ERCC6: variants seen among roughly 807,000 people sequenced by gnomAD.
ERCC6 encodes the protein DNA excision repair protein ERCC-6.
ERCC6 carries 116 observed loss-of-function variants against 158.7 expected under a neutral mutation model. That is an observed-to-expected ratio of 0.73 (90% CI 0.63 to 0.85). ERCC6 has a LOEUF of 0.85. Ranked by LOEUF, ERCC6 falls within the 40% of genes least tolerant of loss-of-function variation. The pLI, the probability that ERCC6 is intolerant of heterozygous loss-of-function variation, is 0.00. For synonymous variants in ERCC6, 678 were observed against 659.3 expected (o/e 1.03, Z -0.43); for missense variants, 1,698 against 1,799.4 (o/e 0.94, Z 1.02).
Position 49,472,639 on chromosome 10 carries a change from A to C in ERCC6, c.2830-169T>G, listed in dbSNP as rs10437449. The stretch of plus-strand genomic sequence containing the variant: ...CTCAGGAAGATGAACAGCCAGTTGA[A>C]AAGACATCTCTACTTGAAAAAATGT... On this transcript the variant is annotated intron_variant, in intron 15 of 20. Coordinates refer to ENST00000355832, the MANE Select transcript of ERCC6 (RefSeq NM_000124.4). 770,821 of 775,758 alleles carry C rather than the reference A, an allele frequency of 0.99. 383,116 individuals are homozygous for C. Among genetic ancestry groups the C allele is most frequent in the East Asian group, 1 (37,534 of 37,534 alleles). 48.1% of individuals were successfully genotyped at this position (775,758 alleles called of 1,614,324 possible). A position where few individuals can be genotyped will look rare whatever the true frequency, so the allele number is the denominator to read the frequency against.
chr10:49,533,425 G>C (rs1564447577), intron 1 of ERCC6, among the ~76,000 whole-genome samples: 1 of 152,212 alleles, frequency 6.6e-6, no homozygotes, highest in Non-Finnish European at 1.5e-5. Context: ...GTGAATCTGA[G>C]ACTAGAAACT....
At position 49,505,912 on chromosome 10, in the gene ERCC6, G is replaced by A. The variant is rs1161878403; in HGVS notation, c.1498C>T (p.Pro500Ser). Reference sequence around the variant, plus strand: ...AAAAGCTTTTTGAACAGAAAACCTGGCACTTTAAAACCTTCGTCAAATTCA... The same window carrying A: ...AAAAGCTTTTTGAACAGAAAACCTGACACTTTAAAACCTTCGTCAAATTCA... ...DAEFDEGFKV[P>S]GFLFKKLFKY... Residue 500 changes from proline (P) to serine (S), a missense_variant, in exon 6 of 21, where the codon CCA becomes TCA. Physicochemically the swap from Pro to Ser is moderately conservative, Grantham distance 74 (BLOSUM62 -1). Coordinates refer to ENST00000355832, the MANE Select transcript of ERCC6 (RefSeq NM_000124.4). 1 of 1,613,346 alleles carries A rather than the reference G, an allele frequency of 6.2e-7. No individual in the cohort carries two copies. Among genetic ancestry groups the A allele is most frequent in the Middle Eastern group, 1.7e-4 (1 of 6,058 alleles).
intron 5 of ERCC6, among the ~76,000 whole-genome samples, chr10:49,509,312 A>T (rs1292762406): frequency 6.6e-6 from 1 of 152,218 alleles, no homozygotes; most frequent in East Asian, 1.9e-4. Flanking sequence ...TCCTCACGAC[A>T]ACCCTGCAGC....
At position 49,482,746 on chromosome 10, in the gene ERCC6, T is replaced by A; in HGVS notation, c.2110A>T (p.Met704Leu). 1.2e-6 allele frequency: 2 copies of A among 1,613,934 alleles called. No individual in the cohort carries two copies. Among genetic ancestry groups the A allele is most frequent in the Non-Finnish European group, 1.7e-6 (2 of 1,179,986 alleles). ...PGKLGTLPVF[M>L]EQFSVPITMG... ...GTGATGGGGACGGAGAACTGCTCCA[T>A]AAACACAGGCAACGTGCCTAACTTT... The change falls in exon 10 of 21, where the codon ATG (methionine) becomes TTG (leucine). Residue 704 changes from methionine to leucine, a missense_variant. Transcript: ENST00000355832.
At chr10:49,504,136 T>TA (rs965473727) in intron 6 of ERCC6, 7 of 152,156 alleles carry the variant, frequency 4.6e-5, no homozygotes, top group South Asian at 4.1e-4. Flanking sequence ...GCAAATACAG[T>TA]AAAAAAATAT....
intron 18 of ERCC6, among the ~76,000 whole-genome samples, chr10:49,468,314 G>C (rs909435571): frequency 6.6e-6 from 1 of 152,182 alleles, no homozygotes; most frequent in Non-Finnish European, 1.5e-5. Context: ...GCTCAGCTCT[G>C]CCTTTTCAAC....
In ERCC6 at chr10:49,471,035, G is replaced by C; in HGVS notation, c.3010C>G (p.Leu1004Val). ...RFFKSNDLYE[L>V]FTLTSPDASQ... is the part of the protein sequence containing the mutation. ...GCATCAGGACTAGTCAGAGTAAATA[G>C]CTCATAGAGATCATTGGATTTGAAA... The change falls in exon 17 of 21, where the codon CTA (leucine) becomes GTA (valine). Residue 1004 changes from leucine to valine, a missense_variant. By Grantham distance (32) the Leu-to-Val change is conservative (BLOSUM62 1). Coordinates refer to ENST00000355832, the MANE Select transcript of ERCC6 (RefSeq NM_000124.4). 2 of 1,614,068 alleles carry C rather than the reference G, an allele frequency of 1.2e-6. No homozygotes were observed. The highest frequency in any genetic ancestry group is 1.7e-6 in the Non-Finnish European group (2 of 1,179,974).
chr10:49,483,010 T>G (rs1851007821), intron 9 of ERCC6, 147 bp from the exon 10 acceptor site: 2 of 877,674 alleles, frequency 2.3e-6, no homozygotes, highest in Admixed American at 2.2e-5. Context: ...ACACATTTTA[T>G]GCAATTACAA....
chr10:49,532,898 C>T lies in ERCC6; in HGVS notation c.67G>A (p.Val23Ile), dbSNP rs1196976745. The change falls in exon 2 of 21, where the codon GTC (valine) becomes ATC (isoleucine). Residue 23 changes from valine to isoleucine, a missense_variant. Transcript: ENST00000355832. ...QEQDCLQSQP[V>I]SNNEEMAIKQ... is the part of the protein sequence containing the mutation. The stretch of plus-strand genomic sequence containing the variant: ...ATTGCCATTTCTTCATTATTACTGA[C>T]AGGTTGACTCTGTAAACAGTCTTGC... 6.2e-7 allele frequency: 1 copy of T among 1,614,240 alleles called. No homozygotes were observed. The highest frequency in any genetic ancestry group is 1.7e-5 in the Admixed American group (1 of 60,030).
intron 8 of ERCC6, 91 bp downstream of exon 8, chr10:49,493,026 C>T: frequency 1.5e-6 from 2 of 1,323,208 alleles, no homozygotes; most frequent in South Asian, 1.2e-5. Flanking sequence ...CAGGAATATA[C>T]ATTTGAGAAA....
At chr10:49,466,019 A>G (rs904314847) in intron 18 of ERCC6, among the ~76,000 whole-genome samples, 2 of 152,214 alleles carry the variant, frequency 1.3e-5, no homozygotes, top group Non-Finnish European at 2.9e-5. Flanking sequence ...TTACTATGTT[A>G]ATGTGTTACT....
At chr10:49,466,773 C>G (rs1850682887) in intron 18 of ERCC6, among the ~76,000 whole-genome samples, 1 of 152,126 alleles carries the variant, frequency 6.6e-6, no homozygotes, top group African/African-American at 2.4e-5. Context: ...TACTCTACTT[C>G]CTTTTATTGT....
chr10:49,511,427 CT>C (rs66834567), intron 5 of ERCC6, among the ~76,000 whole-genome samples: 112,040 of 133,430 alleles, frequency 0.84, 46,725 homozygotes, highest in East Asian at 0.99. Flanking sequence ...TTCTTTTTTA[CT>C]TTTTTTTTTT....
In ERCC6 at chr10:49,461,424, C is replaced by A. The variant is rs1173513523; in HGVS notation, c.3911G>T (p.Cys1304Phe). Reference sequence around the variant, plus strand: ...GGGAACACCAGACACTGCTCCCAGACACCGCTGACGAGAGAGCCTCAGTGC... The same window carrying A: ...GGGAACACCAGACACTGCTCCCAGAAACCGCTGACGAGAGAGCCTCAGTGC... The part of the protein sequence containing the change: ...LKALRLSRQR[C>F]LGAVSGVPTW... The change falls in exon 19 of 21, where the codon TGT becomes TTT. Residue 1304 changes from cysteine (C) to phenylalanine (F), a missense_variant. Cys to Phe is a radical substitution (Grantham distance 205). Coordinates refer to ENST00000355832, the MANE Select transcript of ERCC6 (RefSeq NM_000124.4). 1 of 1,614,090 alleles carries A rather than the reference C, an allele frequency of 6.2e-7. No homozygotes were observed. The highest frequency in any genetic ancestry group is 2.2e-5 in the East Asian group (1 of 44,900).
chr10:49,520,528 C>A (rs1018336133), intron 5 of ERCC6, among the ~76,000 whole-genome samples: 2 of 152,180 alleles, frequency 1.3e-5, no homozygotes, highest in African/African-American at 2.4e-5. Flanking sequence ...CTATGCCCTG[C>A]AGCCTGACCA....
intron 5 of ERCC6, among the ~76,000 whole-genome samples, chr10:49,513,256 C>A (rs1836854430): frequency 6.6e-6 from 1 of 152,146 alleles, no homozygotes; most frequent in African/African-American, 2.4e-5. Flanking sequence ...TGGTGTCTAA[C>A]CCCTATGCTA....
intron 15 of ERCC6, 195 bp downstream of exon 15, chr10:49,472,714 A>AGAGTTAAAC: frequency 1.3e-6 from 1 of 749,688 alleles, no homozygotes. Context: ...AATGAATGCT[A>AGAGTTAAAC]TGGATAAACT....
chr10:49,448,018 G>T, the ERCC6 span, among the ~76,000 whole-genome samples: 7 of 152,072 alleles, frequency 4.6e-5, no homozygotes, highest in African/African-American at 1.7e-4. Context: ...ACAAGTATTT[G>T]TTTGAGCACC....
rs769434036 is a variant in ERCC6, at chr10:49,458,999, T to C, written c.4298A>G (p.Asn1433Ser). ...AGTGTGGGCCTGGAAAGCGATGAAG[T>C]TTCTCATCTCCACCAGAAGGTCATC... ...EHDDLLVEMRNFIAFQAHTDG... is the reference protein window; with the variant it reads ...EHDDLLVEMRSFIAFQAHTDG... Residue 1433 changes from asparagine (N) to serine (S), a missense_variant, in exon 21 of 21, where the codon AAC (asparagine) becomes AGC (serine). Physicochemically the swap from Asn to Ser is conservative, Grantham distance 46 (BLOSUM62 1). Coordinates refer to ENST00000355832, the MANE Select transcript of ERCC6 (RefSeq NM_000124.4). The C allele has an allele frequency of 2.2e-5, 35 of 1,614,012 alleles. No homozygotes were observed. In the East Asian group the frequency reaches 7.8e-4, roughly 36 times the overall value.
Sources: allele counts gnomAD v4.1 joint callset (sites outside exome capture counted in the v4.1 genomes callset), GRCh38; gene constraint gnomAD v4.1.1; transcripts MANE v1.5; gene names NCBI Gene and HGNC (gene_info 2026-07-23, HGNC 2026-07-21).